The following CAPRIN1 variants were observed in gnomAD, a reference collection of about 807,000 sequenced individuals.
CAPRIN1 encodes the protein caprin-1.
In CAPRIN1, 29 loss-of-function variants were observed where a neutral mutation model predicts 100.9. The ratio of observed to expected loss-of-function variants is 0.29; its 90% confidence interval spans 0.21 to 0.39. The LOEUF (loss-of-function observed/expected upper bound fraction) is 0.39, where lower values mean the gene tolerates loss of function less well. Ranked by LOEUF, CAPRIN1 falls within the 10% of genes least tolerant of loss-of-function variation. The pLI is 1.00. For missense variants in CAPRIN1, 795 were observed against 876.7 expected (o/e 0.91, Z 1.18); for synonymous variants, 338 against 307.5 (o/e 1.10, Z -1.04).
intron 18 of CAPRIN1, 51 bp from the exon 19 acceptor site, chr11:34,099,252 C>A: frequency 6.2e-7 from 1 of 1,600,776 alleles, no homozygotes; most frequent in Non-Finnish European, 8.6e-7. Flanking sequence ...TGCTTGAAGG[C>A]AAAACAAATA....
At position 34,097,112 on chromosome 11, in the gene CAPRIN1, AG is replaced by A. The variant is rs1401414708; in HGVS notation, c.1901-83del. ...TTAACTAGCCTGGCTTATAATTTCTAGTTCTTCCCGTCTTCATTAATAAAAA... is the reference window on the plus strand; with the variant it reads ...TTAACTAGCCTGGCTTATAATTTCTATTCTTCCCGTCTTCATTAATAAAAA... On this transcript the variant is annotated intron_variant, in intron 16 of 18. Coordinates refer to ENST00000341394, the MANE Select transcript of CAPRIN1 (RefSeq NM_005898.5). The A allele has an allele frequency of 8.9e-6, 8 of 900,934 alleles. No homozygotes were observed. In the Admixed American group the frequency reaches 1.4e-4, roughly 15 times the overall value. 55.8% of individuals were successfully genotyped at this position (900,934 alleles called of 1,614,324 possible).
At chr11:34,052,809 C>G in intron 2 of CAPRIN1, 173 bp downstream of exon 2, 1 of 1,452,222 alleles carries the variant, frequency 6.9e-7, no homozygotes, top group Admixed American at 2.8e-5. Flanking sequence ...GCTTCGTGCC[C>G]AGAAAACGGG....
In CAPRIN1 at chr11:34,052,604, G is replaced by A; in HGVS notation, c.184G>A (p.Asp62Asn). Residue 62 changes from aspartate to asparagine, a missense_variant, in exon 2 of 19, where the codon GAC (aspartate) becomes AAC (asparagine). Physicochemically the swap from Asp to Asn is conservative, Grantham distance 23. Coordinates refer to ENST00000341394, the MANE Select transcript of CAPRIN1 (RefSeq NM_005898.5). ...EAMKQILGVI[D>N]KKLRNLEKKK... ...CATGAAGCAGATTCTCGGGGTGATC[G>A]ACAAGAAACTTCGGAACCTGGAGAA... 6.2e-7 allele frequency: 1 copy of A among 1,610,856 alleles called. No individual in the cohort carries two copies. Among genetic ancestry groups the A allele is most frequent in the Middle Eastern group, 1.7e-4 (1 of 6,012 alleles).
chr11:34,097,665 T>G, intron 17 of CAPRIN1, 33 bp from the exon 18 acceptor site: 1 of 1,613,416 alleles, frequency 6.2e-7, no homozygotes, highest in Non-Finnish European at 8.5e-7. Flanking sequence ...TTTTAAAAAG[T>G]ACCTTTTCAA....
chr11:34,095,134 A>C (rs1373037985), intron 15 of CAPRIN1, among the ~76,000 whole-genome samples: 1 of 152,076 alleles, frequency 6.6e-6, no homozygotes, highest in Non-Finnish European at 1.5e-5. Context: ...GAGCTCAAGT[A>C]ATCTGCTCAG....
intron 2 of CAPRIN1, among the ~76,000 whole-genome samples, chr11:34,065,013 G>T (rs1850659787): frequency 7.3e-6 from 1 of 137,080 alleles, no homozygotes; most frequent in Admixed American, 8.0e-5. Context: ...AGGCTGGAGT[G>T]CAGGGGCGCT....
intron 2 of CAPRIN1, chr11:34,052,946 T>C: frequency 1.6e-6 from 2 of 1,212,182 alleles, no homozygotes; most frequent in Non-Finnish European, 2.1e-6. Context: ...TGGGGGCCTG[T>C]CGTCAGGACT....
rs779269723 is a variant in CAPRIN1, at chr11:34,097,722, C to A, written c.2026C>A (p.Arg676=). The change falls in exon 18 of 19, where the codon CGA becomes AGA. Residue 676 remains arginine, a synonymous_variant. Transcript: ENST00000341394. The part of the protein sequence containing the change: ...QRDGYQQNFK[R]GSGQSGPRGA... ...GGATGGATATCAGCAGAATTTCAAG[C>A]GAGGCTCTGGGCAGAGTGGACCACG... is the stretch of plus-strand genomic sequence containing the variant. 1.2e-6 allele frequency: 2 copies of A among 1,614,012 alleles called. No individual in the cohort carries two copies. The highest frequency in any genetic ancestry group is 2.2e-5 in the East Asian group (1 of 44,866).
intron 15 of CAPRIN1, among the ~76,000 whole-genome samples, chr11:34,095,249 T>TAA (rs758631030): frequency 8.6e-3 from 1 of 116 alleles, no homozygotes; most frequent in Non-Finnish European, 0.014. Flanking sequence ...CTGTTATTGA[T>TAA]AAAATGATTC....
At chr11:34,093,965 T>C (rs80184877) in intron 15 of CAPRIN1, among the ~76,000 whole-genome samples, 3 of 2,694 alleles carry the variant, frequency 1.1e-3, no homozygotes, top group Non-Finnish European at 5.0e-3. Context: ...GCTTTTTCTA[T>C]TTTTTTAAAA....
chr11:34,085,756 A>G (rs1851126651), intron 9 of CAPRIN1, among the ~76,000 whole-genome samples: 1 of 152,168 alleles, frequency 6.6e-6, no homozygotes, highest in Non-Finnish European at 1.5e-5. Context: ...GTGAGTCGAG[A>G]TCCCGCCACT....
intron 2 of CAPRIN1, among the ~76,000 whole-genome samples, chr11:34,056,227 A>G (rs549996411): frequency 6.6e-6 from 1 of 152,344 alleles, no homozygotes; most frequent in Non-Finnish European, 1.5e-5. Context: ...CTTCTGGACC[A>G]AAATGCTTTT....
At chr11:34,059,125 G>A (rs1051932780) in intron 2 of CAPRIN1, among the ~76,000 whole-genome samples, 1 of 152,140 alleles carries the variant, frequency 6.6e-6, no homozygotes, top group Non-Finnish European at 1.5e-5. Flanking sequence ...ACAAAAACGT[G>A]GGTGAAAGAT....
chr11:34,066,118 G>T (rs1850686903), intron 2 of CAPRIN1, among the ~76,000 whole-genome samples: 1 of 152,020 alleles, frequency 6.6e-6, no homozygotes, highest in African/African-American at 2.4e-5. Context: ...TGGGACTGCA[G>T]GTGCGCGCCA....
chr11:34,085,777 C>A (rs905018524), intron 9 of CAPRIN1, among the ~76,000 whole-genome samples: 1 of 151,866 alleles, frequency 6.6e-6, no homozygotes, highest in African/African-American at 2.4e-5. Context: ...GCTGTCCAGC[C>A]TGGGTTACAG....
At position 34,071,906 on chromosome 11, in the gene CAPRIN1, C is replaced by A; in HGVS notation, c.285C>A (p.Ala95=). 6.2e-7 allele frequency: 1 copy of A among 1,611,532 alleles called. No individual in the cohort carries two copies. Among genetic ancestry groups the A allele is most frequent in the Non-Finnish European group, 8.5e-7 (1 of 1,178,568 alleles). Residue 95 remains alanine, a synonymous_variant, in exon 4 of 19, where the codon GCC becomes GCA. Transcript: ENST00000341394. ...TGGGTTCTTTGTCATTTTAGGATGC[C>A]GTTTCTAAGTACCAGGAAGTCACAA... ...GERLNQDQLD[A]VSKYQEVTNN...
Position 34,087,394 on chromosome 11 carries a change from C to T in CAPRIN1, c.1231+981C>T, listed in dbSNP as rs866991179. 2.4e-4 allele frequency among the ~76,000 whole-genome samples: 24 copies of T among 99,562 alleles called. 3 individuals carry two copies. In the South Asian group the frequency reaches 4.2e-3, roughly 18 times the overall value. 65.3% of individuals were successfully genotyped at this position (99,562 alleles called of 152,430 possible). ...TGTCGCCCAGGCTGGAGTGCAGTGGCGCAATCTCGGCTCACTGCAAGCTCC... is the reference window on the plus strand; with the variant it reads ...TGTCGCCCAGGCTGGAGTGCAGTGGTGCAATCTCGGCTCACTGCAAGCTCC... On this transcript the variant is annotated intron_variant, in intron 11 of 18. Transcript: ENST00000341394.
intron 18 of CAPRIN1, chr11:34,098,200 T>C: frequency 1.0e-6 from 1 of 995,040 alleles, no homozygotes; most frequent in Non-Finnish European, 1.2e-6. Flanking sequence ...AATGGCCGGA[T>C]AAGCCATAGT....
chr11:34,064,649 T>G (rs1254428079), intron 2 of CAPRIN1, among the ~76,000 whole-genome samples: 1 of 152,212 alleles, frequency 6.6e-6, no homozygotes, highest in Non-Finnish European at 1.5e-5. Context: ...TAGTGTACAT[T>G]TTGGTATTTA....
Sources: gnomAD v4.1 joint callset for allele counts (sites outside exome capture counted in the v4.1 genomes callset) on GRCh38, gnomAD v4.1.1 for gene constraint, MANE v1.5 for transcripts, NCBI Gene and HGNC (gene_info 2026-07-23, HGNC 2026-07-21) for gene names.